RNF111: variants seen among roughly 807,000 people sequenced by gnomAD.
RNF111 encodes ring finger protein 111.
In RNF111, 17 loss-of-function variants were observed where a neutral mutation model predicts 95.1. That is an observed-to-expected ratio of 0.18 (90% CI 0.12 to 0.27). The LOEUF is 0.27. Ranked by LOEUF, RNF111 falls within the 10% of genes least tolerant of loss-of-function variation. RNF111 has a pLI of 1.00. For missense variants in RNF111, 1,189 were observed against 1,210.4 expected (o/e 0.98, Z 0.26); for synonymous variants, 440 against 414.8 (o/e 1.06, Z -0.74).
intron 1 of RNF111, among the ~76,000 whole-genome samples, chr15:58,990,274 C>T (rs1020365354): frequency 6.6e-5 from 10 of 152,078 alleles, no homozygotes; most frequent in Non-Finnish European, 1.2e-4. Context: ...TTTTGGTATT[C>T]ATTGTTGTGT....
At chr15:59,039,859 G>A (rs1263848287) in intron 2 of RNF111, among the ~76,000 whole-genome samples, 1 of 151,894 alleles carries the variant, frequency 6.6e-6, no homozygotes, top group African/African-American at 2.4e-5. Context: ...TGGGACTACA[G>A]GCACATGCCA....
chr15:59,057,586 T>A (rs1349477983), intron 4 of RNF111, among the ~76,000 whole-genome samples: 1 of 152,238 alleles, frequency 6.6e-6, no homozygotes, highest in Non-Finnish European at 1.5e-5. Context: ...CTTTGAAACT[T>A]AACTCACTCA....
intron 3 of RNF111, among the ~76,000 whole-genome samples, chr15:59,055,201 T>G (rs1306419516): frequency 6.6e-6 from 1 of 152,202 alleles, no homozygotes; most frequent in Non-Finnish European, 1.5e-5. Context: ...GGTGCCTGTT[T>G]ATTTTTTTTG....
At position 59,016,943 on chromosome 15, in the gene RNF111, T is replaced by G. The variant is rs921554356; in HGVS notation, c.-19-13861T>G. On this transcript the variant is annotated intron_variant, in intron 1 of 13. Coordinates refer to ENST00000348370, the MANE Select transcript of RNF111 (RefSeq NM_017610.8). ...CATGTGAGGGATCTAGGTTGCTTGC[T>G]CCTTACGAGAATCTAATGCCTGATG... Among the ~76,000 whole-genome samples, 3 of 151,928 alleles carry G rather than the reference T, an allele frequency of 2.0e-5. No homozygotes were observed. The East Asian group carries it at 5.8e-4, about 29-fold the overall frequency.
At chr15:59,030,711 A>G (rs1360750011) in intron 1 of RNF111, 93 bp from the exon 2 acceptor site, 4 of 833,830 alleles carry the variant, frequency 4.8e-6, no homozygotes, top group Non-Finnish European at 7.2e-6. Flanking sequence ...TGCCTTTATA[A>G]GGGATCTTCT....
intron 1 of RNF111, among the ~76,000 whole-genome samples, chr15:59,026,437 A>G (rs963143279): frequency 2.0e-5 from 3 of 152,154 alleles, no homozygotes; most frequent in Non-Finnish European, 2.9e-5. Context: ...AGGGACTAGT[A>G]TTATGGTTTC....
intron 4 of RNF111, among the ~76,000 whole-genome samples, chr15:59,056,955 A>G (rs1434301099): frequency 6.6e-6 from 1 of 152,150 alleles, no homozygotes; most frequent in Non-Finnish European, 1.5e-5. Flanking sequence ...TACTGGGTTA[A>G]AAGTATTCCA....
intron 4 of RNF111, among the ~76,000 whole-genome samples, chr15:59,056,570 A>G (rs138085526): frequency 1.5e-3 from 223 of 152,334 alleles, no homozygotes; most frequent in Non-Finnish European, 1.9e-3. Context: ...GGCAAAGAAT[A>G]TATCAGGTAG....
In RNF111 at chr15:59,019,771, C is replaced by G. The variant is rs530995430; in HGVS notation, c.-19-11033C>G. ...GTCAGGAATTCGAGACCGGCCTGGC[C>G]AACGTGGTAAAACCCTGTCTTTACT... On this transcript the variant is annotated intron_variant, in intron 1 of 13. Transcript: ENST00000348370. Among the ~76,000 whole-genome samples, 11 of 152,114 alleles carry G rather than the reference C, an allele frequency of 7.2e-5. No individual in the cohort carries two copies. In the South Asian group the frequency reaches 2.3e-3, roughly 32 times the overall value.
intron 1 of RNF111, among the ~76,000 whole-genome samples, chr15:58,989,668 G>A (rs1300626526): frequency 1.3e-5 from 2 of 152,110 alleles, no homozygotes; most frequent in Non-Finnish European, 2.9e-5. Context: ...TACAGCAGAG[G>A]TTACATCTTA....
At chr15:59,077,055 A>G (rs1479833024) in intron 7 of RNF111, among the ~76,000 whole-genome samples, 1 of 152,238 alleles carries the variant, frequency 6.6e-6, no homozygotes, top group Non-Finnish European at 1.5e-5. Flanking sequence ...CTGGTGATAT[A>G]TTATTTACCT....
chr15:59,050,988 G>T (rs2041952595), intron 2 of RNF111, among the ~76,000 whole-genome samples: 1 of 152,074 alleles, frequency 6.6e-6, no homozygotes, highest in South Asian at 2.1e-4. Flanking sequence ...GACAGAGCAG[G>T]ATTCTATTTA....
chr15:59,095,011 A>G lies in RNF111; in HGVS notation c.*111A>G. ...GCAGATTTGGAAGCATTGAACTTAG[A>G]GTGCTGGCTCTGCTATATGGTACAA... On this transcript the variant is annotated 3_prime_UTR_variant, in exon 14 of 14. Coordinates refer to ENST00000348370, the MANE Select transcript of RNF111 (RefSeq NM_017610.8). 1 of 758,250 alleles carries G rather than the reference A, an allele frequency of 1.3e-6. No homozygotes were observed. The highest frequency in any genetic ancestry group is 2.4e-6 in the Non-Finnish European group (1 of 417,724). The allele number at this position is 758,250 out of a possible 1,614,324, so 47.0% of individuals were successfully genotyped here.
chr15:58,994,235 C>T (rs183755215), intron 1 of RNF111, among the ~76,000 whole-genome samples: 349 of 151,368 alleles, frequency 2.3e-3, no homozygotes, highest in Non-Finnish European at 4.1e-3. Context: ...GATGGGGTTT[C>T]GCTATGTTGG....
chr15:59,060,784 G>A (rs1566921477), intron 5 of RNF111, among the ~76,000 whole-genome samples: 1 of 141,432 alleles, frequency 7.1e-6, no homozygotes, highest in African/African-American at 2.7e-5. Context: ...GCTTTATGTA[G>A]CATTATTATT....
Position 59,081,076 on chromosome 15 carries a change from T to G in RNF111, c.2089T>G (p.Ser697Ala). ...TGTACATGCTTTCCATTCTCAAATA[T>G]CTTCTCATGCAACATCTCATCCTGT... ...HPVHAFHSQI[S>A]SHATSHPVAP... The change falls in exon 8 of 14, where the codon TCT (serine) becomes GCT (alanine). Residue 697 changes from serine to alanine, a missense_variant. Transcript: ENST00000348370. 6 of 1,614,078 alleles carry G rather than the reference T, an allele frequency of 3.7e-6. No individual in the cohort carries two copies. Among genetic ancestry groups the G allele is most frequent in the Non-Finnish European group, 5.1e-6 (6 of 1,180,018 alleles).
intron 13 of RNF111, 73 bp downstream of exon 13, chr15:59,092,713 A>G: frequency 2.8e-6 from 4 of 1,405,718 alleles, no homozygotes; most frequent in East Asian, 5.2e-5. Context: ...AGTAAATTAC[A>G]CCGGGCATGA....
chr15:59,023,695 C>T (rs1461202959), intron 1 of RNF111, among the ~76,000 whole-genome samples: 1 of 152,144 alleles, frequency 6.6e-6, no homozygotes, highest in East Asian at 1.9e-4. Context: ...GTTTACTAGC[C>T]TTTCCAGAAG....
chr15:59,067,560 T>C (rs1410113339), intron 6 of RNF111, among the ~76,000 whole-genome samples: 1 of 152,224 alleles, frequency 6.6e-6, no homozygotes, highest in Admixed American at 6.5e-5. Flanking sequence ...CTGTAGTTTC[T>C]TTTTAATTAA....
Sources: allele counts gnomAD v4.1 joint callset (sites outside exome capture counted in the v4.1 genomes callset), GRCh38; gene constraint gnomAD v4.1.1; transcripts MANE v1.5; gene names NCBI Gene and HGNC (gene_info 2026-07-23, HGNC 2026-07-21).